The following RALB variants were observed in gnomAD, a reference collection of about 807,000 sequenced individuals.
RALB encodes ras-related protein Ral-B.
Under a neutral mutation model 21.3 loss-of-function variants are expected in RALB, and 16 were observed. The observed-to-expected ratio is 0.75, with a 90% CI of 0.51 to 1.14. The LOEUF is 1.14. RALB is among the 50% of genes most tolerant of loss of function. The pLI, the probability that RALB is intolerant of heterozygous loss-of-function variation, is 0.00. For missense variants in RALB, 161 were observed against 256.2 expected, an observed-to-expected ratio of 0.63 and a Z score of 2.54; for synonymous variants, 93 against 96.1, an observed-to-expected ratio of 0.97 and a Z score of 0.19.
chr2:120,267,404 T>A (rs935765628), intron 1 of RALB, among the ~76,000 whole-genome samples: 24 of 15,420 alleles, frequency 1.6e-3, no homozygotes, highest in Admixed American at 7.3e-3. Flanking sequence ...ACATGGAAAG[T>A]TGAGTCATAA....
chr2:120,240,142 G>T, intron 1 of RALB: 3 of 1,289,656 alleles, frequency 2.3e-6, no homozygotes, highest in Non-Finnish European at 3.0e-6. Context: ...GCCCGCCCTC[G>T]GTGTGGATTG....
At chr2:120,268,589 G>T (rs1307525277) in intron 1 of RALB, among the ~76,000 whole-genome samples, 1 of 152,122 alleles carries the variant, frequency 6.6e-6, no homozygotes, top group Non-Finnish European at 1.5e-5. Context: ...GGGGGGTGTT[G>T]CTTGAGCCCA....
chr2:120,268,037 G>A (rs1051857209), intron 1 of RALB, among the ~76,000 whole-genome samples: 30 of 152,120 alleles, frequency 2.0e-4, no homozygotes, highest in Non-Finnish European at 2.8e-4. Context: ...TGATCTGCCC[G>A]CCTTAGCCTC....
At chr2:120,248,330 C>T (rs73948768), upstream of RALB, among the ~76,000 whole-genome samples, 1,132 of 152,286 alleles carry the variant, frequency 7.4e-3, 8 homozygotes, top group African/African-American at 0.026. Flanking sequence ...CCACTGCTGG[C>T]TGATGTTCTG....
intron 2 of RALB, among the ~76,000 whole-genome samples, chr2:120,282,602 T>C (rs1690018243): frequency 6.7e-6 from 1 of 148,444 alleles, no homozygotes; most frequent in South Asian, 2.3e-4. Flanking sequence ...GGCAGATGCA[T>C]GCAGAAGATT....
At chr2:120,251,744 T>C (rs1689060832), upstream of RALB, among the ~76,000 whole-genome samples, 2 of 152,212 alleles carry the variant, frequency 1.3e-5, no homozygotes, top group Admixed American at 6.5e-5. Flanking sequence ...GTTTTAAATG[T>C]GAATGAGAAT....
chr2:120,252,751 G>A, upstream of RALB: 4 of 983,242 alleles, frequency 4.1e-6, no homozygotes, highest in Non-Finnish European at 4.8e-6. Context: ...ACAGCCCCCC[G>A]ACGGGCGTGG....
intron 2 of RALB, among the ~76,000 whole-genome samples, chr2:120,281,755 C>CA (rs1558955567): frequency 6.6e-6 from 1 of 152,128 alleles, no homozygotes; most frequent in African/African-American, 2.4e-5. Flanking sequence ...TGTTTTTGCT[C>CA]AAAAACTTAT....
chr2:120,293,434 GC>G lies in RALB; in HGVS notation c.*177del. The G allele has an allele frequency of 1.8e-6, 1 of 558,610 alleles. No individual in the cohort carries two copies. Among genetic ancestry groups the G allele is most frequent in the Non-Finnish European group, 2.7e-6 (1 of 369,532 alleles). The allele number at this position is 558,610 out of a possible 1,614,324, so 34.6% of individuals were successfully genotyped here. Reference sequence around the variant, plus strand: ...ACTCTGTGGCTGGCAGAAGAAATAAGCCCATGCAAGTGGAAGGGCTGCTTTG... The same window carrying G: ...ACTCTGTGGCTGGCAGAAGAAATAAGCCATGCAAGTGGAAGGGCTGCTTTG... On this transcript the variant is annotated 3_prime_UTR_variant, in exon 5 of 5. Coordinates refer to ENST00000272519, the MANE Select transcript of RALB (RefSeq NM_002881.3).
chr2:120,254,602 G>T (rs1000410744), intron 1 of RALB, among the ~76,000 whole-genome samples: 10 of 152,200 alleles, frequency 6.6e-5, no homozygotes, highest in East Asian at 1.9e-4. Context: ...GGGTAGAAAA[G>T]TTCTAAATTC....
At position 120,270,828 on chromosome 2, in the gene RALB, A is replaced by G. The variant is rs193297911; in HGVS notation, c.-47-7790A>G. On this transcript the variant is annotated intron_variant, in intron 1 of 4. Transcript: ENST00000272519. ...CTAATTTTTCAGGGGTCTGTTTTCAATACTGTTCTTGTTTTTGTCCCTACA... is the reference window on the plus strand; with the variant it reads ...CTAATTTTTCAGGGGTCTGTTTTCAGTACTGTTCTTGTTTTTGTCCCTACA... Among the ~76,000 whole-genome samples the G allele has an allele frequency of 3.0e-4, 45 of 152,216 alleles. No individual in the cohort carries two copies. In the East Asian group the frequency reaches 5.2e-3, roughly 18 times the overall value.
At chr2:120,251,484 G>A (rs75889455), upstream of RALB, among the ~76,000 whole-genome samples, 4 of 152,314 alleles carry the variant, frequency 2.6e-5, no homozygotes, top group East Asian at 7.7e-4. Context: ...TGGGCAGCTG[G>A]TGAAACTAAA....
At position 120,282,432 on chromosome 2, in the gene RALB, C is replaced by T. The variant is rs574705478; in HGVS notation, c.115-3442C>T. ...GATGGAGGTTGCAGTGAGCCAAGAT[C>T]GCACCATTGCATTCCAGCCTGGGGA... On this transcript the variant is annotated intron_variant, in intron 2 of 4. Transcript: ENST00000272519. 5.0e-4 allele frequency among the ~76,000 whole-genome samples: 75 copies of T among 151,260 alleles called. 3 individuals carry two copies. In the East Asian group the frequency reaches 0.012, roughly 25 times the overall value.
At chr2:120,260,278 C>T (rs144487519) in intron 1 of RALB, among the ~76,000 whole-genome samples, 4,925 of 152,310 alleles carry the variant, frequency 0.032, 118 homozygotes, top group Non-Finnish European at 0.05. Context: ...CTAGAGCAAG[C>T]GAGGGCTCTG....
intron 1 of RALB, among the ~76,000 whole-genome samples, chr2:120,272,762 G>A (rs749042819): frequency 3.3e-5 from 5 of 151,740 alleles, no homozygotes; most frequent in South Asian, 2.1e-4. Context: ...TAGTTCATGC[G>A]ATGTCCCTCC....
chr2:120,291,490 G>A (rs1690302288), intron 4 of RALB, among the ~76,000 whole-genome samples: 1 of 152,138 alleles, frequency 6.6e-6, no homozygotes, highest in African/African-American at 2.4e-5. Context: ...TTTCCTGGAT[G>A]GGTTGTCGCG....
At chr2:120,263,729 C>T (rs1689428339) in intron 1 of RALB, among the ~76,000 whole-genome samples, 1 of 152,116 alleles carries the variant, frequency 6.6e-6, no homozygotes, top group Non-Finnish European at 1.5e-5. Context: ...GGGGTTTCAC[C>T]ATGTTGCCCA....
intron 1 of RALB, among the ~76,000 whole-genome samples, chr2:120,268,850 G>GAAAGA: frequency 6.6e-6 from 1 of 152,128 alleles, no homozygotes; most frequent in East Asian, 1.9e-4. Context: ...GGAAGGAAAG[G>GAAAGA]AAAGAAAAGA....
chr2:120,273,426 T>G (rs578242275), intron 1 of RALB, among the ~76,000 whole-genome samples: 4 of 152,312 alleles, frequency 2.6e-5, no homozygotes, highest in African/African-American at 9.6e-5. Context: ...TAGGAGCAAC[T>G]GGGGTAGTCC....
Sources: gnomAD v4.1 joint callset for allele counts (sites outside exome capture counted in the v4.1 genomes callset) on GRCh38, gnomAD v4.1.1 for gene constraint, MANE v1.5 for transcripts, NCBI Gene and HGNC (gene_info 2026-07-23, HGNC 2026-07-21) for gene names.